Variants in DCC observed in about 807,000 individuals in gnomAD.
DCC encodes the protein DCC netrin 1 receptor.
A neutral mutation model predicts 172.5 loss-of-function variants in DCC; 58 were observed. The ratio of observed to expected loss-of-function variants is 0.34; its 90% CI spans 0.27 to 0.42. The LOEUF (loss-of-function observed/expected upper bound fraction) is 0.42, where lower values mean the gene tolerates loss of function less well. Among genes scored for constraint, DCC ranks in the 10% least tolerant of loss-of-function variants. The pLI is 1.00. For missense variants in DCC, 1,740 were observed against 1,791.0 expected (o/e 0.97, Z 0.51); for synonymous variants, 709 against 644.5 (o/e 1.10, Z -1.52).
chr18:52,988,951 A>G (rs575269154), intron 5 of DCC, among the ~76,000 whole-genome samples: 1 of 151,530 alleles, frequency 6.6e-6, no homozygotes, highest in South Asian at 2.1e-4. Context: ...ATATCCCTTT[A>G]TCATTACTAC....
intron 7 of DCC, among the ~76,000 whole-genome samples, chr18:53,116,939 G>A (rs1406197693): frequency 6.6e-6 from 1 of 151,566 alleles, no homozygotes; most frequent in Non-Finnish European, 1.5e-5. Context: ...TTTCTCTTGT[G>A]ACCAAAATAG....
At chr18:53,494,892 C>G (rs574861908) in intron 26 of DCC, among the ~76,000 whole-genome samples, 4 of 152,248 alleles carry the variant, frequency 2.6e-5, no homozygotes, top group Admixed American at 1.3e-4. Flanking sequence ...GTTTCTTCAT[C>G]ATGTCAATGG....
chr18:53,226,117 C>T (rs1467273336), intron 12 of DCC, among the ~76,000 whole-genome samples: 1 of 152,128 alleles, frequency 6.6e-6, no homozygotes, highest in African/African-American at 2.4e-5. Context: ...AGTAGCAGCA[C>T]AGGGACTTGA....
chr18:53,127,381 A>G (rs2043578341), intron 7 of DCC, among the ~76,000 whole-genome samples: 1 of 152,044 alleles, frequency 6.6e-6, no homozygotes, highest in African/African-American at 2.4e-5. Flanking sequence ...CCTATAAATC[A>G]ACAAGGCAGA....
chr18:52,365,930 T>A (rs2144282492), intron 1 of DCC, among the ~76,000 whole-genome samples: 1 of 152,326 alleles, frequency 6.6e-6, no homozygotes, highest in East Asian at 1.9e-4. Context: ...GTCCATAGTT[T>A]GCTGACCCCT....
chr18:52,528,689 C>T (rs1461434645), intron 1 of DCC, among the ~76,000 whole-genome samples: 2 of 152,020 alleles, frequency 1.3e-5, no homozygotes, highest in East Asian at 3.9e-4. Context: ...CACACTTCTG[C>T]TTGTCTGCTC....
chr18:53,487,384 T>C (rs569346850), intron 26 of DCC, among the ~76,000 whole-genome samples: 1 of 152,154 alleles, frequency 6.6e-6, no homozygotes, highest in African/African-American at 2.4e-5. Context: ...ATCAGGTAAG[T>C]GATACTTTTT....
At chr18:53,374,787 T>C (rs1251572346) in intron 15 of DCC, among the ~76,000 whole-genome samples, 1 of 152,190 alleles carries the variant, frequency 6.6e-6, no homozygotes, top group Admixed American at 6.5e-5. Context: ...TGACATATAT[T>C]AACATACTGT....
chr18:52,968,586 T>A (rs1415529112), intron 5 of DCC, among the ~76,000 whole-genome samples: 1 of 152,084 alleles, frequency 6.6e-6, no homozygotes, highest in East Asian at 1.9e-4. Flanking sequence ...CTCAAGATAA[T>A]GTTTGGAATT....
intron 12 of DCC, among the ~76,000 whole-genome samples, chr18:53,242,638 G>A (rs1309272960): frequency 6.6e-6 from 1 of 152,026 alleles, no homozygotes; most frequent in East Asian, 1.9e-4. Flanking sequence ...CCAAATAAAT[G>A]CAAGAAAGTA....
At chr18:52,484,348 C>A (rs2030105502) in intron 1 of DCC, among the ~76,000 whole-genome samples, 1 of 152,158 alleles carries the variant, frequency 6.6e-6, no homozygotes, top group East Asian at 1.9e-4. Flanking sequence ...CATTATTTTC[C>A]ATTTTATTAT....
chr18:52,892,773 G>T (rs2039669884), intron 2 of DCC, among the ~76,000 whole-genome samples: 1 of 152,098 alleles, frequency 6.6e-6, no homozygotes, highest in Non-Finnish European at 1.5e-5. Context: ...AATCACACAA[G>T]TTACATAGTT....
At chr18:53,095,035 C>T (rs2043066233) in intron 7 of DCC, among the ~76,000 whole-genome samples, 1 of 152,152 alleles carries the variant, frequency 6.6e-6, no homozygotes, top group Admixed American at 6.5e-5. Flanking sequence ...TCTATTATCA[C>T]AATGATAATT....
intron 1 of DCC, among the ~76,000 whole-genome samples, chr18:52,344,933 G>A (rs757805976): frequency 3.5e-4 from 53 of 152,116 alleles, no homozygotes; most frequent in Non-Finnish European, 7.1e-4. Context: ...TCAAATAGCT[G>A]ACTTTGGTGT....
chr18:52,651,750 C>A (rs2035135700), intron 1 of DCC, among the ~76,000 whole-genome samples: 1 of 152,016 alleles, frequency 6.6e-6, no homozygotes, highest in Non-Finnish European at 1.5e-5. Flanking sequence ...TGTCACAGCC[C>A]CAGCCCTTAG....
At chr18:52,746,013 C>T (rs967741003) in intron 1 of DCC, among the ~76,000 whole-genome samples, 14 of 152,134 alleles carry the variant, frequency 9.2e-5, no homozygotes, top group Non-Finnish European at 1.6e-4. Flanking sequence ...AATTCCTGCT[C>T]CATTGCATGG....
At chr18:53,220,927 A>G (rs1000381798) in intron 12 of DCC, among the ~76,000 whole-genome samples, 12 of 152,124 alleles carry the variant, frequency 7.9e-5, no homozygotes, top group African/African-American at 2.9e-4. Context: ...CTTACAGTCT[A>G]GTCTTTCTGT....
intron 1 of DCC, among the ~76,000 whole-genome samples, chr18:52,570,541 A>G (rs1332471456): frequency 6.6e-6 from 1 of 152,224 alleles, no homozygotes; most frequent in Non-Finnish European, 1.5e-5. Flanking sequence ...TGGGTTCATT[A>G]GCAATGATGC....
intron 5 of DCC, among the ~76,000 whole-genome samples, chr18:53,048,826 C>T (rs999236297): frequency 2.0e-5 from 3 of 151,782 alleles, no homozygotes; most frequent in African/African-American, 7.3e-5. Context: ...TTCTTCTCTC[C>T]ACAACCTCAC....
Sources: gnomAD v4.1 joint callset for allele counts (sites outside exome capture counted in the v4.1 genomes callset) on GRCh38, gnomAD v4.1.1 for gene constraint, MANE v1.5 for transcripts, NCBI Gene and HGNC (gene_info 2026-07-23, HGNC 2026-07-21) for gene names.